Variants in DEDD2 observed in about 807,000 individuals in gnomAD.
DEDD2 encodes the protein death effector domain containing 2.
A neutral mutation model predicts 28.9 loss-of-function variants in DEDD2; 18 were observed. That is an observed-to-expected ratio of 0.62 (90% confidence interval 0.43 to 0.92). DEDD2 has a LOEUF of 0.92. Ranked by LOEUF, DEDD2 falls within the 40% of genes least tolerant of loss-of-function variation. The probability of loss-of-function intolerance (pLI) is 0.00; values close to 1 mark genes in which losing one functional copy is unlikely to be tolerated. For missense variants in DEDD2, 411 were observed against 463.3 expected (o/e 0.89, Z 1.04); for synonymous variants, 211 against 206.1 (o/e 1.02, Z -0.20).
At chr19:42,209,285 T>C (rs954884286) in intron 4 of DEDD2, among the ~76,000 whole-genome samples, 1 of 152,026 alleles carries the variant, frequency 6.6e-6, no homozygotes, top group African/African-American at 2.4e-5. Flanking sequence ...GCAGAGAGGT[T>C]CAATTACTGG....
chr19:42,219,090 A>C (rs1323729538), upstream of DEDD2, among the ~76,000 whole-genome samples: 2 of 152,198 alleles, frequency 1.3e-5, no homozygotes, highest in African/African-American at 4.8e-5. Context: ...GGATCACCTG[A>C]GGTCGGGAGT....
chr19:42,202,322 C>A (rs760409620), intron 4 of DEDD2, among the ~76,000 whole-genome samples: 17 of 152,120 alleles, frequency 1.1e-4, no homozygotes, highest in Non-Finnish European at 2.2e-4. Flanking sequence ...ATACCCTGCA[C>A]TCCAGTCACA....
chr19:42,202,577 C>T (rs920821084), intron 4 of DEDD2, among the ~76,000 whole-genome samples: 2 of 152,196 alleles, frequency 1.3e-5, no homozygotes, highest in Non-Finnish European at 2.9e-5. Context: ...CCCATTCAAT[C>T]TCTTATTCAA....
At chr19:42,212,448 T>C (rs2035808133) in intron 3 of DEDD2, among the ~76,000 whole-genome samples, 1 of 151,448 alleles carries the variant, frequency 6.6e-6, no homozygotes, top group South Asian at 2.1e-4. Flanking sequence ...TCCAGTGGCA[T>C]GCCACCACAC....
At chr19:42,217,136 C>T (rs2036011266) in intron 1 of DEDD2, 91 bp from the exon 2 acceptor site, 8 of 972,810 alleles carry the variant, frequency 8.2e-6, no homozygotes, top group Non-Finnish European at 1.2e-5. Flanking sequence ...CCCAATCGCG[C>T]CGGGCAGGGC....
Position 42,205,522 on chromosome 19 carries a change from G to A in DEDD2, c.589+4178C>T, listed in dbSNP as rs369393598. On this transcript the variant is annotated intron_variant, in intron 4 of 4. Coordinates refer to ENST00000596251, the MANE Select transcript of DEDD2 (RefSeq NM_133328.4). ...CATGCCTGTAATCCTAGCTACTCGGGAGGCTGAGGCAGGAGAATCGCTTCA... is the reference window on the plus strand; with the variant it reads ...CATGCCTGTAATCCTAGCTACTCGGAAGGCTGAGGCAGGAGAATCGCTTCA... Among the ~76,000 whole-genome samples the A allele has an allele frequency of 9.1e-4, 139 of 152,218 alleles. 7 individuals carry two copies. The South Asian group carries it at 0.028, about 30-fold the overall frequency.
intron 4 of DEDD2, among the ~76,000 whole-genome samples, chr19:42,203,343 T>A (rs2035405885): frequency 6.6e-6 from 1 of 152,118 alleles, no homozygotes; most frequent in Non-Finnish European, 1.5e-5. Context: ...AAGTAAAATG[T>A]GAAGGAGGAC....
At chr19:42,218,700 C>T (rs746661177), upstream of DEDD2, among the ~76,000 whole-genome samples, 1 of 152,230 alleles carries the variant, frequency 6.6e-6, no homozygotes, top group Non-Finnish European at 1.5e-5. Flanking sequence ...CTGCCTAGCA[C>T]TGGCCCAGTA....
At position 42,199,653 on chromosome 19, in the gene DEDD2, G is replaced by C. The variant is rs1457888370; in HGVS notation, c.766C>G (p.Leu256Val). The C allele has an allele frequency of 1.9e-6, 3 of 1,614,154 alleles. No individual in the cohort carries two copies. Among genetic ancestry groups the C allele is most frequent in the African/African-American group, 2.7e-5 (2 of 75,076 alleles). Reference sequence around the variant, plus strand: ...CCCCAGAAGGCGTCCAGATAGGAGAGCTCTGAGAACTTGATGTCACAAACC... The same window carrying C: ...CCCCAGAAGGCGTCCAGATAGGAGACCTCTGAGAACTTGATGTCACAAACC... Reference protein sequence around the residue: ...SVVCDIKFSELSYLDAFWGDY... With the variant: ...SVVCDIKFSEVSYLDAFWGDY... The change falls in exon 5 of 5, where the codon CTC (leucine) becomes GTC (valine). Residue 256 changes from leucine (L) to valine (V), a missense_variant. This residue lies in a region of DEDD2 where 129 missense variants were observed against 189.9 expected (regional missense o/e 0.68). Coordinates refer to ENST00000596251, the MANE Select transcript of DEDD2 (RefSeq NM_133328.4). The surrounding 1 kb of genome is among the most constrained non-coding windows in gnomAD (Gnocchi z 7.4).
rs752450468 is a variant in DEDD2, at chr19:42,206,086, T to TA, written c.589+3613dup. Among the ~76,000 whole-genome samples the TA allele has an allele frequency of 3.2e-3, 408 of 127,574 alleles. 1 individual carries two copies. Among genetic ancestry groups the TA allele is most frequent in the South Asian group, 4.5e-3 (19 of 4,184 alleles). The allele number at this position is 127,574 out of a possible 152,430, so 83.7% of individuals were successfully genotyped here. The stretch of plus-strand genomic sequence containing the variant: ...GCGACGGAGACCCTGTCTCATAATT[T>TA]AAAAAAAAAAAAAAAAATTGCAGGG... On this transcript the variant is annotated intron_variant, in intron 4 of 4. Coordinates refer to ENST00000596251, the MANE Select transcript of DEDD2 (RefSeq NM_133328.4).
intron 4 of DEDD2, among the ~76,000 whole-genome samples, chr19:42,208,637 G>A (rs538346588): frequency 3.0e-4 from 46 of 152,266 alleles, no homozygotes; most frequent in South Asian, 6.2e-4. Context: ...GCCGTGGCCC[G>A]CGAGGCCAAG....
chr19:42,209,133 TG>T (rs2035646500), intron 4 of DEDD2, among the ~76,000 whole-genome samples: 1 of 151,910 alleles, frequency 6.6e-6, no homozygotes, highest in South Asian at 2.1e-4. Flanking sequence ...CCCAGCTACT[TG>T]GGAGGCTGAG....
intron 3 of DEDD2, among the ~76,000 whole-genome samples, chr19:42,210,189 AAT>A (rs1178820722): frequency 5.3e-5 from 8 of 152,102 alleles, no homozygotes; most frequent in Admixed American, 5.2e-4. Flanking sequence ...AAGAAACAGG[AAT>A]ATAGGGAGAT....
At chr19:42,217,116 G>T (rs1219959438) in intron 1 of DEDD2, 71 bp from the exon 2 acceptor site, 18 of 1,216,448 alleles carry the variant, frequency 1.5e-5, no homozygotes, top group Non-Finnish European at 2.1e-5. Context: ...CCGCCAGCGC[G>T]TCTCCCCCGC....
intron 4 of DEDD2, among the ~76,000 whole-genome samples, chr19:42,204,057 C>A (rs2035435386): frequency 6.6e-6 from 1 of 152,186 alleles, no homozygotes; most frequent in Admixed American, 6.5e-5. Context: ...CTGCTTCCTG[C>A]ACTCAGGTGG....
Position 42,216,727 on chromosome 19 carries a change from G to A in DEDD2, c.281C>T (p.Ala94Val), listed in dbSNP as rs947154147. Residue 94 changes from alanine (A) to valine (V), a missense_variant, in exon 2 of 5, where the codon GCC (alanine) becomes GTC (valine). This residue lies in a region of DEDD2 where 282 missense variants were observed against 273.4 expected (regional missense o/e 1.03). Transcript: ENST00000596251. ...RLLGQLLRVL[A>V]RHDLLPHLAR... Reference sequence around the variant, plus strand: ...CAGGTGCGGCAGCAGGTCGTGGCGGGCCAGCACGCGCAGGAGTTGCCCCAG... The same window carrying A: ...CAGGTGCGGCAGCAGGTCGTGGCGGACCAGCACGCGCAGGAGTTGCCCCAG... 1.9e-6 allele frequency: 3 copies of A among 1,591,286 alleles called. No individual in the cohort carries two copies. Among genetic ancestry groups the A allele is most frequent in the South Asian group, 1.1e-5 (1 of 89,168 alleles).
chr19:42,213,161 GT>G (rs1231675256), intron 3 of DEDD2, among the ~76,000 whole-genome samples: 13 of 152,208 alleles, frequency 8.5e-5, no homozygotes, highest in Non-Finnish European at 1.9e-4. Context: ...AGGCTAGCCA[GT>G]TGGAACTGCA....
intron 3 of DEDD2, among the ~76,000 whole-genome samples, chr19:42,213,786 G>A (rs1424054298): frequency 6.6e-6 from 1 of 152,150 alleles, no homozygotes; most frequent in African/African-American, 2.4e-5. Flanking sequence ...GGGGTGTAGG[G>A]GCAGTTTCTG....
intron 2 of DEDD2, among the ~76,000 whole-genome samples, chr19:42,215,501 T>C (rs1223075888): frequency 6.6e-6 from 1 of 152,210 alleles, no homozygotes; most frequent in African/African-American, 2.4e-5. Context: ...TTGATAGTCA[T>C]GGTAAGGGTC....
Sources: allele counts gnomAD v4.1 joint callset (sites outside exome capture counted in the v4.1 genomes callset), GRCh38; gene constraint gnomAD v4.1.1; regional missense constraint gnomAD v4.1.1; non-coding constraint Gnocchi (gnomAD v3.1); transcripts MANE v1.5; gene names NCBI Gene and HGNC (gene_info 2026-07-23, HGNC 2026-07-21).